The following SRGN variants were observed in gnomAD, a reference collection of about 807,000 sequenced individuals.
SRGN encodes the protein hematopoetic proteoglycan core peptide.
In SRGN, 2 loss-of-function variants were observed where a neutral mutation model predicts 9.5. The observed-to-expected ratio is 0.21, with a 90% CI of 0.09 to 0.66. The LOEUF (loss-of-function observed/expected upper bound fraction) is 0.66, where lower values mean the gene tolerates loss of function less well. Among genes scored for constraint, SRGN ranks in the 30% least tolerant of loss-of-function variants. The probability of loss-of-function intolerance (pLI) is 0.83; values close to 1 mark genes in which losing one functional copy is unlikely to be tolerated. For synonymous variants in SRGN, 59 were observed against 72.3 expected (o/e 0.82, Z 0.93); for missense variants, 170 against 192.4 (o/e 0.88, Z 0.69).
chr10:69,097,444 T>TTTTTTTTTTG (rs1840199408), intron 2 of SRGN, among the ~76,000 whole-genome samples: 3 of 146,734 alleles, frequency 2.0e-5, no homozygotes, highest in Non-Finnish European at 3.0e-5. Flanking sequence ...TTTTTTTTTT[T>TTTTTTTTTTG]GAGACGGAGT....
rs1177012248 is a variant in SRGN at position 69,091,879 on chromosome 10, C to CAAAAAAAAAAAAAA, written c.79+3659_79+3672dup. ...TGGGCGATAGACTGAGACTCTGTCT[C>CAAAAAAAAAAAAAA]AAAAAAAAAAAAAAAAAAAAAAAAA... On this transcript the variant is annotated intron_variant, in intron 1 of 2. Transcript: ENST00000242465. Among the ~76,000 whole-genome samples, 39 of 31,748 alleles carry CAAAAAAAAAAAAAA rather than the reference C, an allele frequency of 1.2e-3. 1 individual carries two copies. Among genetic ancestry groups the CAAAAAAAAAAAAAA allele is most frequent in the Admixed American group, 2.2e-3 (4 of 1,824 alleles). 20.8% of individuals were successfully genotyped at this position (31,748 alleles called of 152,430 possible).
chr10:69,097,028 G>T, intron 1 of SRGN, 56 bp from the exon 2 acceptor site: 1 of 1,572,798 alleles, frequency 6.4e-7, no homozygotes, highest in South Asian at 1.2e-5. Context: ...TCTTAGGACA[G>T]AGTGATTAGA....
intron 1 of SRGN, among the ~76,000 whole-genome samples, chr10:69,091,556 T>A (rs762222265): frequency 1.3e-5 from 2 of 152,132 alleles, no homozygotes; most frequent in Admixed American, 1.3e-4. Flanking sequence ...TAAGTTTCTC[T>A]AACATGCCTG....
At chr10:69,097,631 A>T (rs533970057) in intron 2 of SRGN, among the ~76,000 whole-genome samples, 1 of 151,808 alleles carries the variant, frequency 6.6e-6, no homozygotes, top group Non-Finnish European at 1.5e-5. Context: ...GTTTCACCTT[A>T]TTAGCCAGGA....
intron 2 of SRGN, among the ~76,000 whole-genome samples, chr10:69,101,895 A>G (rs1248057165): frequency 1.3e-5 from 2 of 152,162 alleles, no homozygotes; most frequent in Admixed American, 1.3e-4. Flanking sequence ...CAAAAAATAG[A>G]AAAATTAGCC....
Position 69,103,931 on chromosome 10 carries a change from AGGCTTC to A in SRGN, c.293_298del (p.Phe98_Gly99del), listed in dbSNP as rs770168495. On this transcript the variant is annotated inframe_deletion, in exon 3 of 3. Coordinates refer to ENST00000242465, the MANE Select transcript of SRGN (RefSeq NM_002727.4). ...CACTTTCTGAGGACTACTCTGGATC[AGGCTTC>A]GGCTCCGGCTCCGGCTCTGGATCAG... 1 of 1,614,054 alleles carries A rather than the reference AGGCTTC, an allele frequency of 6.2e-7. No homozygotes were observed. Among genetic ancestry groups the A allele is most frequent in the Non-Finnish European group, 8.5e-7 (1 of 1,180,038 alleles).
chr10:69,097,844 A>G (rs1840210433), intron 2 of SRGN, among the ~76,000 whole-genome samples: 3 of 152,178 alleles, frequency 2.0e-5, no homozygotes, highest in Admixed American at 1.3e-4. Context: ...GATTACAAGC[A>G]TGAGCCACTG....
At chr10:69,100,985 C>CTTT (rs113937899) in intron 2 of SRGN, among the ~76,000 whole-genome samples, 11 of 144,066 alleles carry the variant, frequency 7.6e-5, no homozygotes, top group African/African-American at 2.9e-4. Flanking sequence ...TTCTTTCTTT[C>CTTT]TTTTTTTTTT....
upstream of SRGN, chr10:69,087,975 C>T (rs899538180): frequency 2.3e-5 from 14 of 611,460 alleles, no homozygotes; most frequent in African/African-American, 1.9e-4. Flanking sequence ...ACTGTGTTCC[C>T]CCCACCCCCT....
At chr10:69,101,284 T>G (rs374095758) in intron 2 of SRGN, among the ~76,000 whole-genome samples, 63 of 152,294 alleles carry the variant, frequency 4.1e-4, no homozygotes, top group African/African-American at 1.3e-3. Context: ...ATTTTCTTGC[T>G]ATTGCTAATC....
chr10:69,097,062 A>AC (rs1445129301), intron 1 of SRGN, 22 bp from the exon 2 acceptor site: 1 of 1,611,584 alleles, frequency 6.2e-7, no homozygotes, highest in Non-Finnish European at 8.5e-7. Flanking sequence ...ATACTTAGTA[A>AC]CAATGTGGGT....
chr10:69,097,374 C>T, intron 2 of SRGN, 143 bp downstream of exon 2: 2 of 591,652 alleles, frequency 3.4e-6, no homozygotes, highest in Non-Finnish European at 5.7e-6. Flanking sequence ...GATTCTCCTG[C>T]TTCAGCCTCT....
intron 2 of SRGN, 31 bp downstream of exon 2, chr10:69,097,262 A>C: frequency 6.4e-7 from 1 of 1,570,570 alleles, no homozygotes; most frequent in Non-Finnish European, 8.7e-7. Flanking sequence ...TTAATTAATT[A>C]ATTACTTATT....
intron 1 of SRGN, 132 bp from the exon 2 acceptor site, chr10:69,096,952 G>T (rs1411695349): frequency 2.4e-6 from 2 of 829,520 alleles, no homozygotes; most frequent in East Asian, 5.5e-5. Context: ...TATGATCACA[G>T]TACTGCACTC....
At chr10:69,103,790 A>T in intron 2 of SRGN, 81 bp from the exon 3 acceptor site, 1 of 1,450,122 alleles carries the variant, frequency 6.9e-7, no homozygotes, top group Non-Finnish European at 9.3e-7. Context: ...TTATCTCCTT[A>T]TATTAAAAAA....
At chr10:69,088,025 C>G, upstream of SRGN, 1 of 653,466 alleles carries the variant, frequency 1.5e-6, no homozygotes, top group South Asian at 1.8e-5. Flanking sequence ...TCTATTTGTT[C>G]AGGAAATTGT....
intron 1 of SRGN, among the ~76,000 whole-genome samples, chr10:69,095,998 A>G (rs960253080): frequency 6.6e-6 from 1 of 152,224 alleles, no homozygotes; most frequent in African/African-American, 2.4e-5. Context: ...TAGAAATGAA[A>G]TTCAGAAGAA....
chr10:69,087,983 C>G (rs1381558430), upstream of SRGN: 9 of 616,860 alleles, frequency 1.5e-5, no homozygotes, highest in South Asian at 9.6e-5. Flanking sequence ...CCCCCCACCC[C>G]CTTTCTTTCT....
chr10:69,089,490 A>T (rs1210952011), intron 1 of SRGN, among the ~76,000 whole-genome samples: 1 of 152,228 alleles, frequency 6.6e-6, no homozygotes, highest in African/African-American at 2.4e-5. Flanking sequence ...AACCAGAGAT[A>T]TGTAAGTCTT....
Sources: gnomAD v4.1 joint callset for allele counts (sites outside exome capture counted in the v4.1 genomes callset) on GRCh38, gnomAD v4.1.1 for gene constraint, MANE v1.5 for transcripts, NCBI Gene and HGNC (gene_info 2026-07-23, HGNC 2026-07-21) for gene names.